MET: variants seen among roughly 807,000 people sequenced by gnomAD.
MET encodes hepatocyte growth factor receptor.
A neutral mutation model predicts 133.1 loss-of-function variants in MET; 48 were observed. The observed-to-expected ratio is 0.36, with a 90% CI of 0.29 to 0.46. The LOEUF is 0.46. Among genes scored for constraint, MET ranks in the 20% least tolerant of loss-of-function variants. The probability of loss-of-function intolerance (pLI) is 1.00; values close to 1 mark genes in which losing one functional copy is unlikely to be tolerated. For missense variants in MET, 1,442 were observed against 1,695.9 expected (o/e 0.85, Z 2.63); for synonymous variants, 628 against 616.5 (o/e 1.02, Z -0.28).
chr7:116,774,327 T>G (rs1360454642), intron 14 of MET, among the ~76,000 whole-genome samples: 1 of 152,170 alleles, frequency 6.6e-6, no homozygotes, highest in Non-Finnish European at 1.5e-5. Context: ...TAACACTAAA[T>G]CCAGTGCCAT....
chr7:116,795,374 T>G lies in MET; in HGVS notation c.3799-281T>G, dbSNP rs534043695. On this transcript the variant is annotated intron_variant, in intron 19 of 20. Coordinates refer to ENST00000397752, the MANE Select transcript of MET (RefSeq NM_000245.4). ...GCTTTGACACAGCGGGAGAGAATTT[T>G]GGAAGAGATATTCTACCAACTACAG... Among the ~76,000 whole-genome samples, 8 of 152,340 alleles carry G rather than the reference T, an allele frequency of 5.3e-5. No homozygotes were observed. The South Asian group carries it at 1.7e-3, about 32-fold the overall frequency.
chr7:116,749,009 C>T (rs59745285), intron 5 of MET, among the ~76,000 whole-genome samples: 4,345 of 152,178 alleles, frequency 0.029, 214 homozygotes, highest in African/African-American at 0.098. Context: ...GATTCACAGC[C>T]GAATTCTACC....
chr7:116,675,222 C>T (rs903752804), intron 1 of MET, among the ~76,000 whole-genome samples: 5 of 152,096 alleles, frequency 3.3e-5, no homozygotes, highest in African/African-American at 4.8e-5. Flanking sequence ...ATAGCTAGGA[C>T]CTATAGGTAG....
chr7:116,744,780 C>T (rs1188199660), intron 5 of MET, among the ~76,000 whole-genome samples: 1 of 152,090 alleles, frequency 6.6e-6, no homozygotes, highest in Non-Finnish European at 1.5e-5. Flanking sequence ...ATGTTAAGGG[C>T]AGCCGGAGAG....
At chr7:116,768,922 C>A (rs1385295918) in intron 11 of MET, among the ~76,000 whole-genome samples, 1 of 152,144 alleles carries the variant, frequency 6.6e-6, no homozygotes, top group East Asian at 1.9e-4. Flanking sequence ...AAATATGCCA[C>A]ATTAACTAAT....
At chr7:116,713,076 A>G (rs770343484) in intron 2 of MET, among the ~76,000 whole-genome samples, 3 of 152,168 alleles carry the variant, frequency 2.0e-5, no homozygotes, top group Non-Finnish European at 4.4e-5. Context: ...CCAATCCATG[A>G]TTTCAAGTTG....
intron 5 of MET, among the ~76,000 whole-genome samples, chr7:116,745,840 T>C (rs1417767899): frequency 6.6e-6 from 1 of 152,212 alleles, no homozygotes; most frequent in South Asian, 2.1e-4. Context: ...GAAGAAAACC[T>C]AGGCAATACC....
chr7:116,693,571 A>T (rs1414509890), intron 1 of MET, among the ~76,000 whole-genome samples: 1 of 152,178 alleles, frequency 6.6e-6, no homozygotes, highest in African/African-American at 2.4e-5. Context: ...TGACCTCAGA[A>T]TTGTGAATGC....
At chr7:116,676,884 A>T (rs1049847675) in intron 1 of MET, among the ~76,000 whole-genome samples, 41 of 152,146 alleles carry the variant, frequency 2.7e-4, no homozygotes, top group African/African-American at 9.4e-4. Context: ...ATACCTGGAC[A>T]GTGCCTGCCA....
chr7:116,712,833 T>A (rs1198976464), intron 2 of MET, among the ~76,000 whole-genome samples: 1 of 152,106 alleles, frequency 6.6e-6, no homozygotes, highest in Non-Finnish European at 1.5e-5. Context: ...AGTTTTGTAA[T>A]CGAAATTTGG....
chr7:116,699,164 A>G lies in MET; in HGVS notation c.80A>G (p.Lys27Arg), dbSNP rs555920594. ...TLVQRSNGECKEALAKSEMNV... is the reference protein window; with the variant it reads ...TLVQRSNGECREALAKSEMNV... ...GTGCAGAGGAGCAATGGGGAGTGTA[A>G]AGAGGCACTAGCAAAGTCCGAGATG... Residue 27 changes from lysine to arginine, a missense_variant, in exon 2 of 21, where the codon AAA (lysine) becomes AGA (arginine). Physicochemically the swap from Lys to Arg is conservative, Grantham distance 26. Transcript: ENST00000397752. The G allele has an allele frequency of 1.2e-6, 2 of 1,613,828 alleles. No individual in the cohort carries two copies. The highest frequency in any genetic ancestry group is 1.7e-6 in the Non-Finnish European group (2 of 1,179,890).
chr7:116,691,322 T>C (rs765135279), intron 1 of MET, among the ~76,000 whole-genome samples: 6 of 152,206 alleles, frequency 3.9e-5, no homozygotes, highest in Non-Finnish European at 7.3e-5. Context: ...TGTTCTCAAA[T>C]GCAAAGTGAA....
intron 2 of MET, among the ~76,000 whole-genome samples, chr7:116,709,784 A>T (rs564045805): frequency 6.6e-6 from 1 of 152,234 alleles, no homozygotes; most frequent in African/African-American, 2.4e-5. Context: ...ACCTCAGGAA[A>T]AATAATAGGA....
At position 116,699,916 on chromosome 7, in the gene MET, A is replaced by G. The variant is rs2116599107; in HGVS notation, c.832A>G (p.Ile278Val). ...TLDAQTFHTRIIRFCSINSGL... is the reference protein window; with the variant it reads ...TLDAQTFHTRVIRFCSINSGL... ...AGATGCTCAGACTTTTCACACAAGA[A>G]TAATCAGGTTCTGTTCCATAAACTC... Residue 278 changes from isoleucine (I) to valine (V), a missense_variant, in exon 2 of 21, where the codon ATA (isoleucine) becomes GTA (valine). Transcript: ENST00000397752. 6.2e-7 allele frequency: 1 copy of G among 1,614,126 alleles called. No homozygotes were observed.
chr7:116,693,502 TG>T (rs1438286391), intron 1 of MET, among the ~76,000 whole-genome samples: 2 of 152,180 alleles, frequency 1.3e-5, no homozygotes, highest in African/African-American at 4.8e-5. Flanking sequence ...GTGACTTGCC[TG>T]GGTCATACAA....
At chr7:116,780,905 T>G (rs1331903155) in intron 17 of MET, among the ~76,000 whole-genome samples, 1 of 152,220 alleles carries the variant, frequency 6.6e-6, no homozygotes, top group African/African-American at 2.4e-5. Flanking sequence ...CTTCTGATGT[T>G]CTAACATCTT....
intron 2 of MET, among the ~76,000 whole-genome samples, chr7:116,709,703 C>T (rs570470680): frequency 3.9e-5 from 6 of 152,174 alleles, no homozygotes; most frequent in South Asian, 4.2e-4. Context: ...TTTATTTTCC[C>T]GTAAGGCGAC....
chr7:116,681,859 T>C (rs1796372575), intron 1 of MET, among the ~76,000 whole-genome samples: 1 of 152,242 alleles, frequency 6.6e-6, no homozygotes, highest in South Asian at 2.1e-4. Context: ...TTAGCTATTG[T>C]TGTTTTTAAT....
intron 2 of MET, among the ~76,000 whole-genome samples, chr7:116,729,097 A>C (rs924158629): frequency 5.3e-5 from 8 of 152,242 alleles, no homozygotes; most frequent in Non-Finnish European, 1.0e-4. Flanking sequence ...ATTGATCACC[A>C]ATAGAAACTT....
Sources: gnomAD v4.1 joint callset for allele counts (sites outside exome capture counted in the v4.1 genomes callset) on GRCh38, gnomAD v4.1.1 for gene constraint, MANE v1.5 for transcripts, NCBI Gene and HGNC (gene_info 2026-07-23, HGNC 2026-07-21) for gene names.